MON2: variants seen among roughly 807,000 people sequenced by gnomAD.
MON2 encodes protein MON2 homolog.
In MON2, 84 loss-of-function variants were observed where a neutral mutation model predicts 208.6. That is an observed-to-expected ratio of 0.40 (90% CI 0.34 to 0.48). MON2 has a LOEUF of 0.48. Among genes scored for constraint, MON2 ranks in the 20% least tolerant of loss-of-function variants. The pLI is 0.59. For missense variants in MON2, 1,611 were observed against 2,015.4 expected (o/e 0.80, Z 3.84); for synonymous variants, 660 against 694.0 (o/e 0.95, Z 0.77).
At chr12:62,488,759 C>CT (rs1220858608) in intron 2 of MON2, among the ~76,000 whole-genome samples, 1 of 151,886 alleles carries the variant, frequency 6.6e-6, no homozygotes, top group East Asian at 1.9e-4. Context: ...TTTATTTATT[C>CT]TTTTTTTCTT....
chr12:62,473,789 G>A (rs1011513508), intron 1 of MON2, among the ~76,000 whole-genome samples: 2 of 151,904 alleles, frequency 1.3e-5, no homozygotes, highest in African/African-American at 4.8e-5. Flanking sequence ...TGGGCTGGTC[G>A]CAAACCCCTG....
intron 3 of MON2, 40 bp downstream of exon 3, chr12:62,494,082 AATC>A: frequency 6.4e-7 from 1 of 1,553,116 alleles, no homozygotes; most frequent in Non-Finnish European, 8.8e-7. Context: ...CTAAGAGTTG[AATC>A]AGAAGTTTTC....
chr12:62,498,275 A>C (rs1351630925), intron 4 of MON2, among the ~76,000 whole-genome samples: 1 of 152,200 alleles, frequency 6.6e-6, no homozygotes, highest in Non-Finnish European at 1.5e-5. Context: ...AAAATCATAG[A>C]AAATGTCCAT....
Position 62,571,456 on chromosome 12 carries a change from T to C in MON2, c.4388T>C (p.Val1463Ala). 6.2e-7 allele frequency: 1 copy of C among 1,613,452 alleles called. No individual in the cohort carries two copies. The highest frequency in any genetic ancestry group is 8.5e-7 in the Non-Finnish European group (1 of 1,179,384). ...CPSESTWKLA[V>A]SSLLRVLSIG... The stretch of plus-strand genomic sequence containing the variant: ...TCTGAAAGCACATGGAAACTAGCAG[T>C]ATCCTCTCTCCTCAGAGTTCTTTCT... The change falls in exon 30 of 35, where the codon GTA (valine) becomes GCA (alanine). Residue 1463 changes from valine (V) to alanine (A), a missense_variant. Coordinates refer to ENST00000393630, the MANE Select transcript of MON2 (RefSeq NM_015026.3).
At chr12:62,561,154 C>T in intron 26 of MON2, 41 bp downstream of exon 26, 5 of 1,492,894 alleles carry the variant, frequency 3.3e-6, no homozygotes, top group Non-Finnish European at 4.5e-6. Context: ...GCATATAGTT[C>T]TCTGAAATTT....
intron 30 of MON2, among the ~76,000 whole-genome samples, chr12:62,573,317 A>C (rs1333817315): frequency 6.6e-6 from 1 of 152,002 alleles, no homozygotes; most frequent in Non-Finnish European, 1.5e-5. Context: ...TGAGAAATTT[A>C]CATTTTTCCT....
chr12:62,561,799 C>T (rs1305618593), intron 26 of MON2, among the ~76,000 whole-genome samples: 2 of 152,068 alleles, frequency 1.3e-5, no homozygotes, highest in Admixed American at 1.3e-4. Context: ...TAAAAACATT[C>T]TAATAAGATT....
chr12:62,575,540 CTTGA>C (rs1451107161), intron 30 of MON2, among the ~76,000 whole-genome samples: 1 of 152,146 alleles, frequency 6.6e-6, no homozygotes, highest in African/African-American at 2.4e-5. Context: ...AAGACTAATA[CTTGA>C]TTATTTTTTA....
In MON2 at chr12:62,538,281, A is replaced by G. The variant is rs138097256; in HGVS notation, c.2229A>G (p.Leu743=). The part of the protein sequence containing the change: ...TVLTTAVMTD[L]PVISNILSRL... ...TAACAACAGCAGTGATGACAGATTT[A>G]CCAGTGATTTCCAATATACTTTCAA... The change falls in exon 18 of 35, where the codon TTA becomes TTG. Residue 743 remains leucine (L), a synonymous_variant. Transcript: ENST00000393630. The G allele has an allele frequency of 2.2e-4, 361 of 1,613,694 alleles. No individual in the cohort carries two copies. The highest frequency in any genetic ancestry group is 3.0e-4 in the Non-Finnish European group (351 of 1,179,644).
At chr12:62,497,220 C>A (rs1018344237) in intron 4 of MON2, among the ~76,000 whole-genome samples, 2 of 148,050 alleles carry the variant, frequency 1.4e-5, no homozygotes, top group African/African-American at 5.0e-5. Context: ...TGCTAAATGA[C>A]GAGTTAATGG....
chr12:62,528,133 G>A (rs1463331985), intron 11 of MON2, among the ~76,000 whole-genome samples: 2 of 151,914 alleles, frequency 1.3e-5, no homozygotes, highest in Admixed American at 6.6e-5. Context: ...ATAATAAATG[G>A]CCAGAAAATA....
At position 62,549,819 on chromosome 12, in the gene MON2, A is replaced by T; in HGVS notation, c.2905A>T (p.Ile969Leu). Residue 969 changes from isoleucine (I) to leucine (L), a missense_variant, in exon 23 of 35, where the codon ATA becomes TTA. Transcript: ENST00000393630. ...NQELNISLTS[I>L]GLLWNISDYF... The stretch of plus-strand genomic sequence containing the variant: ...AGAACTCAATATTAGTTTAACTTCA[A>T]TAGGTTTATTGGTAAGTATCATTGT... The T allele has an allele frequency of 6.3e-7, 1 of 1,594,692 alleles. No homozygotes were observed. The highest frequency in any genetic ancestry group is 8.5e-7 in the Non-Finnish European group (1 of 1,169,906).
Position 62,533,772 on chromosome 12 carries a change from A to G in MON2, c.1634-1073A>G, listed in dbSNP as rs1481977017. On this transcript the variant is annotated intron_variant, in intron 12 of 34. Coordinates refer to ENST00000393630, the MANE Select transcript of MON2 (RefSeq NM_015026.3). ...TTGGATAGGAAATACATAGCCACAT[A>G]CACACACCCCCACACACAAGCACAC... Among the ~76,000 whole-genome samples the G allele has an allele frequency of 5.9e-5, 9 of 152,184 alleles. No homozygotes were observed. In the East Asian group the frequency reaches 1.5e-3, roughly 26 times the overall value.
chr12:62,536,716 G>A (rs761222177), intron 14 of MON2, among the ~76,000 whole-genome samples: 38 of 149,552 alleles, frequency 2.5e-4, no homozygotes, highest in Non-Finnish European at 4.4e-4. Flanking sequence ...TTGAGACAGA[G>A]TCACTCTGTC....
rs1449186791 is a variant in MON2 at position 62,593,720 on chromosome 12, A to G, written c.*971A>G. 1 of 152,276 alleles carries G rather than the reference A, an allele frequency of 6.6e-6. No homozygotes were observed. The highest frequency in any genetic ancestry group is 1.5e-5 in the Non-Finnish European group (1 of 67,976). 9.4% of individuals were successfully genotyped at this position (152,276 alleles called of 1,614,324 possible). On this transcript the variant is annotated 3_prime_UTR_variant, in exon 35 of 35. Transcript: ENST00000393630. Reference sequence around the variant, plus strand: ...TTTGTTTCCCCTAACAACATTTGTCACTGTCTTTGAATTATGACCCAGGCA... The same window carrying G: ...TTTGTTTCCCCTAACAACATTTGTCGCTGTCTTTGAATTATGACCCAGGCA...
In MON2 at chr12:62,549,735, C is replaced by A. The variant is rs1429212456; in HGVS notation, c.2821C>A (p.Pro941Thr). ...TGTGACAGATTTTCTACCAACAATG[C>A]CTTGTACTTGCCTGCAAATAGTTGT... ...LVVTDFLPTM[P>T]CTCLQIVVDV... Residue 941 changes from proline (P) to threonine (T), a missense_variant, in exon 23 of 35, where the codon CCT becomes ACT. Pro to Thr is a conservative substitution (Grantham distance 38). Transcript: ENST00000393630. The A allele has an allele frequency of 6.2e-7, 1 of 1,613,074 alleles. No homozygotes were observed. The highest frequency in any genetic ancestry group is 8.5e-7 in the Non-Finnish European group (1 of 1,179,528).
intron 1 of MON2, among the ~76,000 whole-genome samples, chr12:62,469,854 C>A (rs1007575168): frequency 6.0e-5 from 9 of 151,050 alleles, no homozygotes; most frequent in African/African-American, 2.2e-4. Flanking sequence ...TCATTTCTGT[C>A]TTTTATGGCC....
At chr12:62,521,807 G>A (rs1023730132) in intron 8 of MON2, among the ~76,000 whole-genome samples, 1 of 152,122 alleles carries the variant, frequency 6.6e-6, no homozygotes, top group Non-Finnish European at 1.5e-5. Flanking sequence ...TGTCATCCAA[G>A]GTAGGTGCTT....
intron 24 of MON2, among the ~76,000 whole-genome samples, chr12:62,553,620 G>A (rs191648302): frequency 1.6e-4 from 25 of 152,234 alleles, no homozygotes; most frequent in Admixed American, 1.6e-3. Flanking sequence ...AATATCAATA[G>A]CAATGAAGTT....
Sources: allele counts gnomAD v4.1 joint callset (sites outside exome capture counted in the v4.1 genomes callset), GRCh38; gene constraint gnomAD v4.1.1; transcripts MANE v1.5; gene names NCBI Gene and HGNC (gene_info 2026-07-23, HGNC 2026-07-21).